The following ZNF444 variants were observed in gnomAD, a reference collection of about 807,000 sequenced individuals.
The protein encoded by ZNF444 is endothelial zinc finger protein 2.
A neutral mutation model predicts 14.4 loss-of-function variants in ZNF444; 8 were observed. The observed-to-expected ratio is 0.56, with a 90% CI of 0.33 to 1.00. The LOEUF (loss-of-function observed/expected upper bound fraction) is 1.00. Ranked by LOEUF, ZNF444 falls within the 50% of genes least tolerant of loss-of-function variation. ZNF444 has a pLI of 0.03. For synonymous variants in ZNF444, 258 were observed against 235.9 expected (o/e 1.09, Z -0.86); for missense variants, 510 against 504.8 (o/e 1.01, Z -0.10).
intron 3 of ZNF444, chr19:56,155,853 G>A (rs1250159023): frequency 6.6e-6 from 1 of 152,234 alleles, no homozygotes; most frequent in African/African-American, 2.4e-5. Context: ...GCAGACACAA[G>A]CTGGGTGTCC....
intron 1 of ZNF444, among the ~76,000 whole-genome samples, chr19:56,133,892 G>A (rs973537690): frequency 5.3e-5 from 8 of 151,800 alleles, no homozygotes; most frequent in African/African-American, 1.9e-4. Context: ...TCAGATAATG[G>A]GCAATGTGAT....
chr19:56,139,739 T>C (rs995023943), upstream of ZNF444, among the ~76,000 whole-genome samples: 9 of 143,412 alleles, frequency 6.3e-5, no homozygotes, highest in Admixed American at 2.1e-4. Flanking sequence ...GAAAAAAGAA[T>C]CAAGGGCTGC....
intron 1 of ZNF444, among the ~76,000 whole-genome samples, chr19:56,133,762 A>G (rs2637093): frequency 0.95 from 141,227 of 148,094 alleles, 67,985 homozygotes; most frequent in Non-Finnish European, 0.99. Flanking sequence ...GCAGTGAGCC[A>G]AGATCGCGCC....
At chr19:56,153,424 C>T (rs60577234) in intron 3 of ZNF444, among the ~76,000 whole-genome samples, 6,764 of 152,208 alleles carry the variant, frequency 0.044, 209 homozygotes, top group East Asian at 0.18. Flanking sequence ...CAAAAATACT[C>T]GTTGAGGGAA....
chr19:56,141,748 C>T (rs995555783), intron 1 of ZNF444: 3 of 149,434 alleles, frequency 2.0e-5, no homozygotes, highest in Admixed American at 6.6e-5. Flanking sequence ...GGAAGCTGGA[C>T]CCTACAAAGG....
chr19:56,142,819 T>C (rs1167161150), intron 1 of ZNF444, among the ~76,000 whole-genome samples: 1 of 152,172 alleles, frequency 6.6e-6, no homozygotes, highest in African/African-American at 2.4e-5. Flanking sequence ...CTCCACAGCC[T>C]CTTAGCCATG....
intron 4 of ZNF444, among the ~76,000 whole-genome samples, chr19:56,159,407 C>T (rs550352101): frequency 4.7e-4 from 72 of 152,296 alleles, no homozygotes; most frequent in Non-Finnish European, 7.8e-4. Context: ...ATCCATCATC[C>T]AGCCAGCCAT....
intron 1 of ZNF444, among the ~76,000 whole-genome samples, chr19:56,143,749 AC>A (rs773721289): frequency 2.6e-5 from 4 of 152,242 alleles, no homozygotes; most frequent in Non-Finnish European, 5.9e-5. Context: ...GAAAGTCAGC[AC>A]ACAGATATCG....
chr19:56,159,740 G>T lies in ZNF444; in HGVS notation c.523G>T (p.Ala175Ser), dbSNP rs1232607968. The T allele has an allele frequency of 6.3e-7, 1 of 1,583,916 alleles. No individual in the cohort carries two copies. ...LAPGLPAFLA[A>S]PGTTSCPECG... ...GCCTGGCCTGCCCGCCTTCCTAGCG[G>T]CCCCGGGCACCACGTCCTGCCCCGA... Residue 175 changes from alanine to serine, a missense_variant, in exon 5 of 5, where the codon GCC becomes TCC. Coordinates refer to ENST00000337080, the MANE Select transcript of ZNF444 (RefSeq NM_018337.4).
chr19:56,135,549 C>T (rs2030590986), intron 1 of ZNF444, among the ~76,000 whole-genome samples: 1 of 152,060 alleles, frequency 6.6e-6, no homozygotes, highest in South Asian at 2.1e-4. Context: ...ACTACCAGCC[C>T]TCATGGTACC....
Position 56,159,832 on chromosome 19 carries a change from G to A in ZNF444, c.615G>A (p.Lys205=), listed in dbSNP as rs764121408. The stretch of plus-strand genomic sequence containing the variant: ...ACCGGCAGAGCCACTCGGGCGAGAA[G>A]CCGCACGCCTGCCCTGAGTGCGGGA... ...LRHRQSHSGE[K]PHACPECGKA... Residue 205 remains lysine (K), a synonymous_variant, in exon 5 of 5, where the codon AAG becomes AAA. Transcript: ENST00000337080. 692 of 1,569,064 alleles carry A rather than the reference G, an allele frequency of 4.4e-4. 1 individual carries two copies. Among genetic ancestry groups the A allele is most frequent in the Non-Finnish European group, 5.7e-4 (663 of 1,163,726 alleles).
rs1347384439 is a variant in ZNF444, at chr19:56,145,091, G to A, written c.-196-1156G>A. Among the ~76,000 whole-genome samples the A allele has an allele frequency of 1.9e-4, 29 of 152,232 alleles. No homozygotes were observed. On this transcript the variant is annotated intron_variant, in intron 1 of 4. Transcript: ENST00000337080. This position sits in a 1 kb window ranked among gnomAD's most constrained non-coding sequence, Gnocchi z 4.3. ...GTGGATGTGCGCCAGTGAGACTTAA[G>A]TAAAACAGGCTGCAGGCCAGATTCG...
At chr19:56,153,993 G>A in intron 3 of ZNF444, among the ~76,000 whole-genome samples, 1 of 152,226 alleles carries the variant, frequency 6.6e-6, no homozygotes, top group South Asian at 2.1e-4. Flanking sequence ...AAGTTGACTA[G>A]GAGGAAAACA....
Position 56,144,117 on chromosome 19 carries a change from T to A in ZNF444, c.-196-2130T>A, listed in dbSNP as rs1024896659. On this transcript the variant is annotated intron_variant, in intron 1 of 4. Coordinates refer to ENST00000337080, the MANE Select transcript of ZNF444 (RefSeq NM_018337.4). This position sits in a 1 kb window ranked among gnomAD's most constrained non-coding sequence, Gnocchi z 4.0. ...TGAGTCCAGCAGTTTGAGACCAGCC[T>A]GGGCAATATAGTGAGACCCTGTCTC... is the stretch of plus-strand genomic sequence containing the variant. Among the ~76,000 whole-genome samples, 1 of 152,044 alleles carries A rather than the reference T, an allele frequency of 6.6e-6. No individual in the cohort carries two copies. The highest frequency in any genetic ancestry group is 6.5e-5 in the Admixed American group (1 of 15,268).
upstream of ZNF444, among the ~76,000 whole-genome samples, chr19:56,139,203 G>A (rs547949219): frequency 9.9e-5 from 15 of 152,172 alleles, no homozygotes; most frequent in African/African-American, 3.4e-4. Context: ...TCCCTTTGGC[G>A]CTGTGTGGAG....
chr19:56,147,842 G>C lies in ZNF444; in HGVS notation c.297+634G>C, dbSNP rs963550583. 3.3e-5 allele frequency among the ~76,000 whole-genome samples: 5 copies of C among 152,160 alleles called. No homozygotes were observed. Among genetic ancestry groups the C allele is most frequent in the Non-Finnish European group, 7.4e-5 (5 of 68,024 alleles). On this transcript the variant is annotated intron_variant, in intron 3 of 4. Coordinates refer to ENST00000337080, the MANE Select transcript of ZNF444 (RefSeq NM_018337.4). This position sits in a 1 kb window ranked among gnomAD's most constrained non-coding sequence, Gnocchi z 5.9. The stretch of plus-strand genomic sequence containing the variant: ...GCAGAGGGCAAAGCCAGGCCTCTCT[G>C]GGCAGGTTTGGTTTCTTGACCACAC...
intron 3 of ZNF444, among the ~76,000 whole-genome samples, chr19:56,152,084 C>T (rs569633347): frequency 6.6e-6 from 1 of 152,284 alleles, no homozygotes; most frequent in East Asian, 1.9e-4. Flanking sequence ...GTCATCCCAG[C>T]ACTTTGGGAG....
At position 56,159,833 on chromosome 19, in the gene ZNF444, C is replaced by A; in HGVS notation, c.616C>A (p.Pro206Thr). ...RHRQSHSGEKPHACPECGKAF... is the reference protein window; with the variant it reads ...RHRQSHSGEKTHACPECGKAF... ...CCGGCAGAGCCACTCGGGCGAGAAG[C>A]CGCACGCCTGCCCTGAGTGCGGGAA... The change falls in exon 5 of 5, where the codon CCG becomes ACG. Residue 206 changes from proline (P) to threonine (T), a missense_variant. By Grantham distance (38) the Pro-to-Thr change is conservative (BLOSUM62 -1). Transcript: ENST00000337080. 1 of 1,568,030 alleles carries A rather than the reference C, an allele frequency of 6.4e-7. No homozygotes were observed.
chr19:56,143,932 T>C (rs1024532010), intron 1 of ZNF444, among the ~76,000 whole-genome samples: 12 of 151,326 alleles, frequency 7.9e-5, no homozygotes, highest in South Asian at 2.1e-4. Flanking sequence ...TAAGCAAAGA[T>C]TGGGGGGAAA....
Sources: gnomAD v4.1 joint callset for allele counts (sites outside exome capture counted in the v4.1 genomes callset) on GRCh38, gnomAD v4.1.1 for gene constraint, Gnocchi (gnomAD v3.1) non-coding constraint, MANE v1.5 for transcripts, NCBI Gene and HGNC (gene_info 2026-07-23, HGNC 2026-07-21) for gene names.